The following ZFP3 variants were observed in gnomAD, a reference collection of about 807,000 sequenced individuals.
The protein encoded by ZFP3 is ZFP3 zinc finger protein.
Under a neutral mutation model 36.7 loss-of-function variants are expected in ZFP3, and 18 were observed. The observed-to-expected ratio is 0.49, with a 90% CI of 0.34 to 0.73. ZFP3 has a LOEUF of 0.73. Ranked by LOEUF, ZFP3 falls within the 30% of genes least tolerant of loss-of-function variation. The pLI is 0.01. For missense variants in ZFP3, 495 were observed against 599.0 expected, an observed-to-expected ratio of 0.83 and a Z score of 1.81; for synonymous variants, 218 against 199.0, an observed-to-expected ratio of 1.10 and a Z score of -0.81.
intron 1 of ZFP3, among the ~76,000 whole-genome samples, chr17:5,081,702 C>T (rs1309334586): frequency 2.6e-5 from 4 of 151,440 alleles, no homozygotes; most frequent in Non-Finnish European, 4.4e-5. Flanking sequence ...CCCGGGTTCA[C>T]GCCATTCTCC....
rs141141613 is a variant in ZFP3 at position 5,083,991 on chromosome 17, C to T, written c.-9+5416C>T. On this transcript the variant is annotated intron_variant, in intron 1 of 1. Coordinates refer to ENST00000318833, the MANE Select transcript of ZFP3 (RefSeq NM_153018.3). ...AACTGATTCTCCTGCCTCAGCCTCC[C>T]GAGTAGCTGGGATTATAAGCACCCA... Among the ~76,000 whole-genome samples, 1,083 of 151,972 alleles carry T rather than the reference C, an allele frequency of 7.1e-3. 29 individuals carry two copies. Among genetic ancestry groups the T allele is most frequent in the East Asian group, 0.054 (279 of 5,148 alleles).
intron 1 of ZFP3, among the ~76,000 whole-genome samples, chr17:5,087,815 G>C (rs970019805): frequency 6.6e-6 from 1 of 152,164 alleles, no homozygotes; most frequent in Non-Finnish European, 1.5e-5. Context: ...CTGCCCTTTC[G>C]TCCCTGCTTC....
Position 5,091,949 on chromosome 17 carries a change from G to C in ZFP3, c.445G>C (p.Ala149Pro), listed in dbSNP as rs777297659. ...TCATACATGTAAAGAATGTGGGAAA[G>C]CCTTTAATCAGAACTCACATCTCAT... ...KPHTCKECGK[A>P]FNQNSHLIQH... Residue 149 changes from alanine (A) to proline (P), a missense_variant, in exon 2 of 2, where the codon GCC becomes CCC. By Grantham distance (27) the Ala-to-Pro change is conservative. This residue lies in a region of ZFP3 where 229 missense variants were observed against 233.8 expected (regional missense o/e 0.98). Coordinates refer to ENST00000318833, the MANE Select transcript of ZFP3 (RefSeq NM_153018.3). 8 of 1,614,026 alleles carry C rather than the reference G, an allele frequency of 5.0e-6. No individual in the cohort carries two copies. In the Admixed American group the frequency reaches 1.2e-4, roughly 24 times the overall value.
intron 1 of ZFP3, among the ~76,000 whole-genome samples, chr17:5,088,175 T>G (rs2072130638): frequency 6.6e-6 from 1 of 152,182 alleles, no homozygotes; most frequent in Non-Finnish European, 1.5e-5. Flanking sequence ...CAGAGCTCAC[T>G]GATCATCTTT....
chr17:5,093,244 C>G lies in ZFP3; in HGVS notation c.*231C>G, dbSNP rs910097188. 2 of 445,778 alleles carry G rather than the reference C, an allele frequency of 4.5e-6. No homozygotes were observed. Among genetic ancestry groups the G allele is most frequent in the East Asian group, 3.8e-5 (1 of 26,648 alleles). 27.6% of individuals were successfully genotyped at this position (445,778 alleles called of 1,614,324 possible). ...CCAGGATGGGATGCAGTGGCACAGT[C>G]GTAACTCACTGCTTCCTTGAACTCC... On this transcript the variant is annotated 3_prime_UTR_variant, in exon 2 of 2. Transcript: ENST00000318833.
chr17:5,090,906 T>C (rs2072146405), intron 1 of ZFP3, among the ~76,000 whole-genome samples: 1 of 152,154 alleles, frequency 6.6e-6, no homozygotes, highest in South Asian at 2.1e-4. Flanking sequence ...TGAGCTCAAA[T>C]GATCCGCCCG....
rs1180542619 is a variant in ZFP3 at position 5,094,949 on chromosome 17, GACCC to G, written c.*1938_*1941del. ...TAAGAAGGGGCAGTGTTAAGTAATT[GACCC>G]ATGATTCCACAGCTAGTAAGAGCGA... On this transcript the variant is annotated 3_prime_UTR_variant, in exon 2 of 2. Transcript: ENST00000318833. 6.0e-6 allele frequency: 1 copy of G among 167,064 alleles called. No homozygotes were observed. The highest frequency in any genetic ancestry group is 1.9e-4 in the East Asian group (1 of 5,202). The allele number at this position is 167,064 out of a possible 1,614,324, so 10.3% of individuals were successfully genotyped here.
At position 5,085,001 on chromosome 17, in the gene ZFP3, A is replaced by G. The variant is rs188306576; in HGVS notation, c.-9+6426A>G. Among the ~76,000 whole-genome samples the G allele has an allele frequency of 9.4e-4, 143 of 152,288 alleles. 1 individual carries two copies. The highest frequency in any genetic ancestry group is 7.7e-4 in the East Asian group (4 of 5,182). ...CTGTGTTGCTGGCAGAATGCAAAGT[A>G]AAAGAATGATCAGAGTGGGTAAGAT... On this transcript the variant is annotated intron_variant, in intron 1 of 1. Coordinates refer to ENST00000318833, the MANE Select transcript of ZFP3 (RefSeq NM_153018.3).
chr17:5,084,888 G>A lies in ZFP3; in HGVS notation c.-9+6313G>A, dbSNP rs185209371. Among the ~76,000 whole-genome samples, 393 of 152,332 alleles carry A rather than the reference G, an allele frequency of 2.6e-3. 5 individuals are homozygous for A. The highest frequency in any genetic ancestry group is 9.1e-3 in the African/African-American group (377 of 41,560). On this transcript the variant is annotated intron_variant, in intron 1 of 1. Transcript: ENST00000318833. ...TGAGTCTGAGGCCTAATATATGGCT[G>A]TGCCTCTGGAAGAATCAACCAAATG...
At position 5,096,132 on chromosome 17, in the gene ZFP3, C is replaced by T. The variant is rs1349752243; in HGVS notation, c.*3119C>T. 2 of 166,930 alleles carry T rather than the reference C, an allele frequency of 1.2e-5. No individual in the cohort carries two copies. The highest frequency in any genetic ancestry group is 2.4e-5 in the African/African-American group (1 of 41,396). The allele number at this position is 166,930 out of a possible 1,614,324, so 10.3% of individuals were successfully genotyped here. A position where few individuals can be genotyped will look rare whatever the true frequency, so the allele number is the denominator to read the frequency against. The stretch of plus-strand genomic sequence containing the variant: ...ACTTACTTGGGAGTCAGCATCTGAC[C>T]ACAGTCGTGACTGGTAATGATGATT... On this transcript the variant is annotated 3_prime_UTR_variant, in exon 2 of 2. Coordinates refer to ENST00000318833, the MANE Select transcript of ZFP3 (RefSeq NM_153018.3).
Position 5,093,198 on chromosome 17 carries a change from AT to A in ZFP3, c.*187del. The A allele has an allele frequency of 1.7e-6, 1 of 589,910 alleles. No individual in the cohort carries two copies. The highest frequency in any genetic ancestry group is 2.8e-6 in the Non-Finnish European group (1 of 356,532). 36.5% of individuals were successfully genotyped at this position (589,910 alleles called of 1,614,324 possible). ...CACTTTTTTTTTTTTTTTTTTAAGC[AT>A]TGGGGTCTTGCTCTGTTGCCCAGGA... On this transcript the variant is annotated 3_prime_UTR_variant, in exon 2 of 2. Transcript: ENST00000318833.
intron 1 of ZFP3, among the ~76,000 whole-genome samples, chr17:5,085,606 G>A (rs1004790098): frequency 2.6e-5 from 4 of 152,126 alleles, no homozygotes; most frequent in African/African-American, 9.7e-5. Flanking sequence ...CTGACCTCGT[G>A]ATCTGCCCAC....
chr17:5,084,120 C>T (rs2072108128), intron 1 of ZFP3, among the ~76,000 whole-genome samples: 1 of 152,058 alleles, frequency 6.6e-6, no homozygotes, highest in Non-Finnish European at 1.5e-5. Flanking sequence ...CCTGCCTCGG[C>T]CTCCCAAAGT....
chr17:5,091,748 A>C lies in ZFP3; in HGVS notation c.244A>C (p.Ser82Arg), dbSNP rs369844040. 2.6e-4 allele frequency: 425 copies of C among 1,614,256 alleles called. 3 individuals are homozygous for C. In the South Asian group the frequency reaches 4.5e-3, roughly 17 times the overall value. The change falls in exon 2 of 2, where the codon AGT becomes CGT. Residue 82 changes from serine to arginine, a missense_variant. Transcript: ENST00000318833. ...GLMIFKKSPS[S>R]EKDRENNESE... ...GATGATCTTTAAGAAATCACCCTCA[A>C]GTGAGAAAGACCGGGAGAATAATGA...
In ZFP3 at chr17:5,094,239, A is replaced by G. The variant is rs916039819; in HGVS notation, c.*1226A>G. 5.4e-5 allele frequency: 9 copies of G among 167,112 alleles called. No homozygotes were observed. Among genetic ancestry groups the G allele is most frequent in the African/African-American group, 2.2e-4 (9 of 41,458 alleles). The allele number at this position is 167,112 out of a possible 1,614,324, so 10.4% of individuals were successfully genotyped here. On this transcript the variant is annotated 3_prime_UTR_variant, in exon 2 of 2. Transcript: ENST00000318833. ...CTTGAATAACTTTAAAAAAATAGAG[A>G]TAAAGTCTTGCTATGTTGCCCAGGC...
intron 1 of ZFP3, among the ~76,000 whole-genome samples, chr17:5,082,208 C>T (rs967465005): frequency 2.0e-5 from 3 of 151,612 alleles, no homozygotes; most frequent in Admixed American, 6.6e-5. Context: ...TTAGCCGGGC[C>T]TGGTGGTGGG....
rs2143533078 is a variant in ZFP3, at chr17:5,091,891, C to T, written c.387C>T (p.Asn129=). 6.2e-7 allele frequency: 1 copy of T among 1,614,134 alleles called. No homozygotes were observed. Among genetic ancestry groups the T allele is most frequent in the East Asian group, 2.2e-5 (1 of 44,884 alleles). The change falls in exon 2 of 2, where the codon AAC becomes AAT. Residue 129 remains asparagine (N), a synonymous_variant. Coordinates refer to ENST00000318833, the MANE Select transcript of ZFP3 (RefSeq NM_153018.3). ...GQNFLEILES[N]KTQRSSVGEK... The stretch of plus-strand genomic sequence containing the variant: ...ACTTCCTAGAGATTTTAGAATCTAA[C>T]AAAACACAGAGAAGTTCTGTGGGAG...
Position 5,091,653 on chromosome 17 carries a change from A to AT in ZFP3, c.151dup (p.Ser51PhefsTer27). 1 of 1,614,238 alleles carries AT rather than the reference A, an allele frequency of 6.2e-7. No individual in the cohort carries two copies. The highest frequency in any genetic ancestry group is 1.3e-5 in the African/African-American group (1 of 75,070). On this transcript the variant is annotated frameshift_variant, in exon 2 of 2. Transcript: ENST00000318833. LOFTEE classifies it high-confidence loss of function. ...TGTGAAGAAGACATGTTGGAGGGACATTCGAGAGAGTCCATGGAAGAGGTT... is the reference window on the plus strand; with the variant it reads ...TGTGAAGAAGACATGTTGGAGGGACATTTCGAGAGAGTCCATGGAAGAGGTT...
chr17:5,085,407 C>T (rs1286809244), intron 1 of ZFP3, among the ~76,000 whole-genome samples: 4 of 147,500 alleles, frequency 2.7e-5, no homozygotes, highest in Admixed American at 6.8e-5. Flanking sequence ...CTTGCTCTGT[C>T]GCCCAGGCTG....
Sources: gnomAD v4.1 joint callset for allele counts (sites outside exome capture counted in the v4.1 genomes callset) on GRCh38, gnomAD v4.1.1 for gene constraint, gnomAD v4.1.1 regional missense constraint, MANE v1.5 for transcripts, NCBI Gene and HGNC (gene_info 2026-07-23, HGNC 2026-07-21) for gene names.